Variants in CEP112 observed in about 807,000 individuals in gnomAD.
CEP112 encodes the protein centrosomal protein 112.
A neutral mutation model predicts 153.0 loss-of-function variants in CEP112; 127 were observed. The ratio of observed to expected loss-of-function variants is 0.83; its 90% CI spans 0.72 to 0.96. CEP112 has a LOEUF of 0.96. Among genes scored for constraint, CEP112 ranks in the 40% least tolerant of loss-of-function variants. CEP112 has a pLI of 0.00. For synonymous variants in CEP112, 358 were observed against 374.4 expected (o/e 0.96, Z 0.51); for missense variants, 1,089 against 1,101.2 (o/e 0.99, Z 0.16).
intron 9 of CEP112, among the ~76,000 whole-genome samples, chr17:66,067,925 T>G (rs943377368): frequency 5.9e-5 from 9 of 152,066 alleles, no homozygotes; most frequent in African/African-American, 2.2e-4. Flanking sequence ...CACCGTTCTA[T>G]CCTCCTAGTG....
chr17:65,680,515 C>T (rs1423308482), intron 24 of CEP112, among the ~76,000 whole-genome samples: 1 of 152,100 alleles, frequency 6.6e-6, no homozygotes, highest in African/African-American at 2.4e-5. Flanking sequence ...GTCCTTCTTC[C>T]TCCCATTAAT....
intron 23 of CEP112, among the ~76,000 whole-genome samples, chr17:65,737,342 T>C (rs1417961895): frequency 6.6e-6 from 1 of 152,132 alleles, no homozygotes; most frequent in Admixed American, 6.5e-5. Flanking sequence ...GCCCCTAGGA[T>C]CATTATGTTG....
chr17:66,053,615 A>G (rs1401049), intron 12 of CEP112, 121 bp downstream of exon 12: 533,605 of 966,746 alleles, frequency 0.55, 154,561 homozygotes, highest in African/African-American at 0.68. Flanking sequence ...GTAGGAAGGT[A>G]AAGTTTTTCT....
At chr17:65,649,065 AACAAACAAAC>A (rs1269071555) in intron 24 of CEP112, among the ~76,000 whole-genome samples, 2 of 46,608 alleles carry the variant, frequency 4.3e-5, no homozygotes, top group African/African-American at 1.7e-4. Context: ...CAAACAAACA[AACAAACAAAC>A]ACACACACAC....
In CEP112 at chr17:65,725,810, A is replaced by G. The variant is rs145267023; in HGVS notation, c.2607+17258T>C. ...ACTTATTCATTACCACTAGAACAGTATGGGGGAAACTGTCCCCATGATTCA... is the reference window on the plus strand; with the variant it reads ...ACTTATTCATTACCACTAGAACAGTGTGGGGGAAACTGTCCCCATGATTCA... On this transcript the variant is annotated intron_variant, in intron 23 of 26. Coordinates refer to ENST00000535342, the MANE Select transcript of CEP112 (RefSeq NM_001199165.4). Among the ~76,000 whole-genome samples, 299 of 152,250 alleles carry G rather than the reference A, an allele frequency of 2.0e-3. 4 individuals carry two copies. Among genetic ancestry groups the G allele is most frequent in the African/African-American group, 6.9e-3 (286 of 41,552 alleles).
intron 17 of CEP112, among the ~76,000 whole-genome samples, chr17:65,969,998 CAT>C (rs748758456): frequency 2.6e-5 from 4 of 151,968 alleles, no homozygotes; most frequent in South Asian, 2.1e-4. Flanking sequence ...ATGTTACACA[CAT>C]ATCACATGTG....
At chr17:66,104,106 A>G (rs1407496811) in intron 6 of CEP112, among the ~76,000 whole-genome samples, 1 of 152,176 alleles carries the variant, frequency 6.6e-6, no homozygotes, top group Non-Finnish European at 1.5e-5. Flanking sequence ...GCTGAGCTCA[A>G]AGCCAGTGGG....
chr17:65,715,234 G>A (rs961070067), intron 23 of CEP112, among the ~76,000 whole-genome samples: 4 of 152,116 alleles, frequency 2.6e-5, no homozygotes, highest in African/African-American at 9.7e-5. Flanking sequence ...CATCCACGCA[G>A]AGGTGTCTAT....
At chr17:66,030,426 A>C (rs2065415048) in intron 12 of CEP112, among the ~76,000 whole-genome samples, 1 of 152,176 alleles carries the variant, frequency 6.6e-6, no homozygotes, top group Non-Finnish European at 1.5e-5. Flanking sequence ...AGTTTTTGAA[A>C]TGTGTTATAA....
rs57907674 is a variant in CEP112 at position 65,679,129 on chromosome 17, C to CTTTTTTTTTTTTTT, written c.2697+9986_2697+9999dup. On this transcript the variant is annotated intron_variant, in intron 24 of 26. Transcript: ENST00000535342. ...AATGTCCTTGACACTGTGGTTCAAG[C>CTTTTTTTTTTTTTT]TTTTTTTTTTTTTTTTTTTTTTTTT... is the stretch of plus-strand genomic sequence containing the variant. Among the ~76,000 whole-genome samples the CTTTTTTTTTTTTTT allele has an allele frequency of 2.5e-4, 8 of 31,630 alleles. 2 individuals carry two copies. The highest frequency in any genetic ancestry group is 1.1e-3 in the Admixed American group (2 of 1,870). 20.8% of individuals were successfully genotyped at this position (31,630 alleles called of 152,430 possible).
At chr17:66,096,190 G>A in intron 8 of CEP112, 61 bp downstream of exon 8, 2 of 1,218,010 alleles carry the variant, frequency 1.6e-6, no homozygotes, top group Non-Finnish European at 2.3e-6. Context: ...TGAAAACCTA[G>A]ATTACATAAA....
chr17:65,783,610 G>A (rs1365622477), intron 21 of CEP112, among the ~76,000 whole-genome samples: 1 of 152,180 alleles, frequency 6.6e-6, no homozygotes, highest in East Asian at 1.9e-4. Flanking sequence ...GACTTAGAGT[G>A]TATCTAGTTT....
chr17:65,916,287 G>GTGTGTGTGTGTGTGTGTGTGTA (rs138734881), intron 19 of CEP112, among the ~76,000 whole-genome samples: 6 of 147,492 alleles, frequency 4.1e-5, no homozygotes, highest in East Asian at 3.9e-4. Flanking sequence ...GTGTGTGTGT[G>GTGTGTGTGTGTGTGTGTGTGTA]TGTGTATGTG....
intron 10 of CEP112, among the ~76,000 whole-genome samples, chr17:66,065,628 TC>T (rs2067086460): frequency 8.7e-6 from 1 of 115,604 alleles, no homozygotes; most frequent in East Asian, 4.5e-4. Flanking sequence ...TATTTTAAAA[TC>T]TTTTTTTTTT....
At chr17:65,831,324 G>A (rs1175639132) in intron 21 of CEP112, among the ~76,000 whole-genome samples, 10 of 152,154 alleles carry the variant, frequency 6.6e-5, no homozygotes, top group African/African-American at 1.9e-4. Context: ...TTGGGAGGCC[G>A]AGGCGGGTGG....
intron 1 of CEP112, among the ~76,000 whole-genome samples, chr17:66,186,663 T>C (rs1461462304): frequency 2.6e-5 from 4 of 152,198 alleles, no homozygotes; most frequent in Non-Finnish European, 2.9e-5. Flanking sequence ...CTGCAATCCC[T>C]TGATGCCCTC....
intron 21 of CEP112, among the ~76,000 whole-genome samples, chr17:65,825,985 G>C (rs2056820575): frequency 6.6e-6 from 1 of 152,022 alleles, no homozygotes; most frequent in East Asian, 1.9e-4. Flanking sequence ...CCTTATTTCT[G>C]TTCAATGTGA....
At chr17:65,826,034 A>G in intron 21 of CEP112, 1 of 1,146,972 alleles carries the variant, frequency 8.7e-7, no homozygotes, top group Non-Finnish European at 1.3e-6. Flanking sequence ...ATCAAAATTC[A>G]TCTCCTTGAG....
At chr17:65,812,112 T>A (rs1598655233) in intron 21 of CEP112, among the ~76,000 whole-genome samples, 2 of 152,182 alleles carry the variant, frequency 1.3e-5, no homozygotes, top group Non-Finnish European at 2.9e-5. Context: ...CATGCCATTC[T>A]CCTGCCTCAG....
Sources: allele counts gnomAD v4.1 joint callset (sites outside exome capture counted in the v4.1 genomes callset), GRCh38; gene constraint gnomAD v4.1.1; transcripts MANE v1.5; gene names NCBI Gene and HGNC (gene_info 2026-07-23, HGNC 2026-07-21).